GZMA: variants seen among roughly 807,000 people sequenced by gnomAD.
GZMA encodes the protein granzyme A, also known as CTL tryptase.
A neutral mutation model predicts 21.1 loss-of-function variants in GZMA; 17 were observed. The ratio of observed to expected loss-of-function variants is 0.81; its 90% confidence interval spans 0.55 to 1.21. The LOEUF (loss-of-function observed/expected upper bound fraction) is 1.21. Ranked by LOEUF, GZMA falls within the 50% of genes most tolerant of loss-of-function variation. The pLI is 0.00. For synonymous variants in GZMA, 90 were observed against 107.8 expected, an observed-to-expected ratio of 0.83 and a Z score of 1.03; for missense variants, 306 against 315.9, an observed-to-expected ratio of 0.97 and a Z score of 0.24.
chr5:55,107,921 C>G lies in GZMA; in HGVS notation c.343C>G (p.Leu115Val). ...CYDPATREGD[L>V]KLLQLMEKAK... ...TGACCCAGCCACACGCGAAGGTGAC[C>G]TTAAACTTTTACAGGTACGTATCTT... The change falls in exon 3 of 5, where the codon CTT becomes GTT. Residue 115 changes from leucine to valine, a missense_variant. Transcript: ENST00000274306. The G allele has an allele frequency of 6.2e-7, 1 of 1,613,190 alleles. No individual in the cohort carries two copies. Among genetic ancestry groups the G allele is most frequent in the Non-Finnish European group, 8.5e-7 (1 of 1,179,282 alleles).
chr5:55,102,680 A>T lies in GZMA; in HGVS notation c.-3A>T. On this transcript the variant is annotated 5_prime_UTR_variant, in exon 1 of 5. Coordinates refer to ENST00000274306, the MANE Select transcript of GZMA (RefSeq NM_006144.4). ...GGTTGATTGATGTGGGACAGCAGCCACAATGAGGAACTCCTATAGATTTCT... is the reference window on the plus strand; with the variant it reads ...GGTTGATTGATGTGGGACAGCAGCCTCAATGAGGAACTCCTATAGATTTCT... 6.3e-7 allele frequency: 1 copy of T among 1,597,926 alleles called. No individual in the cohort carries two copies. The highest frequency in any genetic ancestry group is 8.6e-7 in the Non-Finnish European group (1 of 1,165,216).
chr5:55,109,731 CAAAT>C (rs1202799956), intron 4 of GZMA, among the ~76,000 whole-genome samples: 3 of 152,244 alleles, frequency 2.0e-5, no homozygotes, highest in East Asian at 3.9e-4. Context: ...GAGAAAACGA[CAAAT>C]AAACAGGAGA....
intron 1 of GZMA, among the ~76,000 whole-genome samples, chr5:55,103,963 G>A: frequency 6.6e-6 from 1 of 151,752 alleles, no homozygotes; most frequent in South Asian, 2.1e-4. Context: ...CTAAGATCGT[G>A]CCACTGCACT....
chr5:55,109,636 A>G (rs1398214021), intron 4 of GZMA, among the ~76,000 whole-genome samples: 1 of 152,234 alleles, frequency 6.6e-6, no homozygotes, highest in African/African-American at 2.4e-5. Flanking sequence ...ATCTGCTAGA[A>G]GAACCACAAA....
intron 3 of GZMA, 81 bp downstream of exon 3, chr5:55,108,016 C>T (rs1387311188): frequency 2.8e-6 from 4 of 1,419,560 alleles, no homozygotes; most frequent in Middle Eastern, 1.8e-4. Context: ...TTCCTTGGTG[C>T]CCCTGTTGTA....
At chr5:55,106,217 AAAAAT>A (rs1561279921) in intron 2 of GZMA, among the ~76,000 whole-genome samples, 1 of 2,424 alleles carries the variant, frequency 4.1e-4, no homozygotes, top group Non-Finnish European at 7.1e-4. Flanking sequence ...AAATAAAATA[AAAAAT>A]AAAATAAAAT....
chr5:55,105,119 G>A (rs1262665259), intron 1 of GZMA, among the ~76,000 whole-genome samples: 1 of 152,178 alleles, frequency 6.6e-6, no homozygotes, highest in Non-Finnish European at 1.5e-5. Context: ...AAGGGTGGGA[G>A]CACTTGAGGT....
intron 1 of GZMA, 90 bp downstream of exon 1, chr5:55,102,842 C>T (rs1442819141): frequency 8.5e-6 from 7 of 819,802 alleles, no homozygotes; most frequent in African/African-American, 1.7e-5. Context: ...CCTTCCTATA[C>T]TGAAAGAAGA....
chr5:55,108,143 A>C lies in GZMA; in HGVS notation c.376A>C (p.Ile126Leu). ...KLLQLMEKAK[I>L]NKYVTILHLP... The stretch of plus-strand genomic sequence containing the variant: ...CCAACAGCTGATGGAAAAAGCAAAA[A>C]TTAACAAATATGTGACTATCCTTCA... Residue 126 changes from isoleucine (I) to leucine (L), a missense_variant, in exon 4 of 5, where the codon ATT becomes CTT. By Grantham distance (5) the Ile-to-Leu change is conservative. Coordinates refer to ENST00000274306, the MANE Select transcript of GZMA (RefSeq NM_006144.4). 2 of 1,604,946 alleles carry C rather than the reference A, an allele frequency of 1.2e-6. No individual in the cohort carries two copies. Among genetic ancestry groups the C allele is most frequent in the Non-Finnish European group, 1.7e-6 (2 of 1,171,994 alleles).
intron 2 of GZMA, among the ~76,000 whole-genome samples, chr5:55,105,833 G>A (rs60323996): frequency 0.035 from 5,315 of 151,714 alleles, 354 homozygotes; most frequent in African/African-American, 0.12. Flanking sequence ...TTAGCCAGGC[G>A]TGGTGGCGCA....
intron 2 of GZMA, 74 bp downstream of exon 2, chr5:55,105,692 G>T: frequency 7.5e-7 from 1 of 1,339,392 alleles, no homozygotes. Context: ...AAAAGAGTAG[G>T]CCGGGCACAG....
chr5:55,103,178 C>A (rs560781425), intron 1 of GZMA, among the ~76,000 whole-genome samples: 1 of 152,130 alleles, frequency 6.6e-6, no homozygotes, highest in African/African-American at 2.4e-5. Context: ...TAACAAAACT[C>A]TCTTGTTCGT....
At chr5:55,102,849 A>C (rs968239199) in intron 1 of GZMA, 97 bp downstream of exon 1, 7 of 797,424 alleles carry the variant, frequency 8.8e-6, no homozygotes, top group Middle Eastern at 2.2e-4. Context: ...ATACTGAAAG[A>C]AGATGTTTTC....
chr5:55,110,100 A>G lies in GZMA; in HGVS notation c.707A>G (p.Asp236Gly). Residue 236 changes from aspartate to glycine, a missense_variant, in exon 5 of 5, where the codon GAC (aspartate) becomes GGC (glycine). By Grantham distance (94) the Asp-to-Gly change is moderately conservative. Transcript: ENST00000274306. The part of the protein sequence containing the change: ...TSFGLENKCG[D>G]PRGPGVYILL... ...TTTGGCCTTGAAAATAAATGCGGAG[A>G]CCCTCGTGGGCCTGGTGTCTATATT... is the stretch of plus-strand genomic sequence containing the variant. 1 of 1,612,178 alleles carries G rather than the reference A, an allele frequency of 6.2e-7. No homozygotes were observed. Among genetic ancestry groups the G allele is most frequent in the Non-Finnish European group, 8.5e-7 (1 of 1,178,828 alleles).
chr5:55,103,057 A>AG (rs1742330832), intron 1 of GZMA, among the ~76,000 whole-genome samples: 1 of 150,932 alleles, frequency 6.6e-6, no homozygotes, highest in Admixed American at 6.6e-5. Flanking sequence ...TTTTAGAAAA[A>AG]AAAATCTTTT....
Position 55,107,778 on chromosome 5 carries a change from T to C in GZMA, c.216-16T>C. 2 of 1,605,938 alleles carry C rather than the reference T, an allele frequency of 1.2e-6. No homozygotes were observed. The highest frequency in any genetic ancestry group is 2.2e-5 in the South Asian group (2 of 90,704). The stretch of plus-strand genomic sequence containing the variant: ...CAAAGAATAAATCCAGTAAATAATG[T>C]TGTGTCTGTTCTCAGGAACAAAAGG... On this transcript the variant is annotated splice_polypyrimidine_tract_variant and intron_variant, in intron 2 of 4. Transcript: ENST00000274306.
At chr5:55,106,701 G>A (rs999434311) in intron 2 of GZMA, among the ~76,000 whole-genome samples, 6 of 152,052 alleles carry the variant, frequency 3.9e-5, no homozygotes. Flanking sequence ...TCACATCTTT[G>A]GCCATCTCTT....
chr5:55,102,691 C>CT lies in GZMA; in HGVS notation c.10dup (p.Ser4PhefsTer3). ...GTGGGACAGCAGCCACAATGAGGAACTCCTATAGATTTCTGGCATCCTCTC... is the reference window on the plus strand; with the variant it reads ...GTGGGACAGCAGCCACAATGAGGAACTTCCTATAGATTTCTGGCATCCTCTC... On this transcript the variant is annotated frameshift_variant, in exon 1 of 5. Transcript: ENST00000274306. LOFTEE classifies it high-confidence loss of function. The CT allele has an allele frequency of 6.2e-7, 1 of 1,606,094 alleles. No homozygotes were observed. Among genetic ancestry groups the CT allele is most frequent in the Non-Finnish European group, 8.5e-7 (1 of 1,172,690 alleles).
At position 55,108,124 on chromosome 5, in the gene GZMA, G is replaced by A. The variant is rs1233862406; in HGVS notation, c.358-1G>A. The A allele has an allele frequency of 5.7e-6, 9 of 1,586,810 alleles. No homozygotes were observed. In the Admixed American group the frequency reaches 1.2e-4, roughly 21 times the overall value. On this transcript the variant is annotated splice_acceptor_variant, in intron 3 of 4. Coordinates refer to ENST00000274306, the MANE Select transcript of GZMA (RefSeq NM_006144.4). LOFTEE classifies it high-confidence loss of function. ...AACACTTTATGTTTTTCTTCCAACA[G>A]CTGATGGAAAAAGCAAAAATTAACA...
Sources: gnomAD v4.1 joint callset for allele counts (sites outside exome capture counted in the v4.1 genomes callset) on GRCh38, gnomAD v4.1.1 for gene constraint, MANE v1.5 for transcripts, NCBI Gene and HGNC (gene_info 2026-07-23, HGNC 2026-07-21) for gene names.